RPS6KA3: variants seen among roughly 807,000 people sequenced by gnomAD.
RPS6KA3 encodes ribosomal protein S6 kinase alpha-3.
A neutral mutation model predicts 67.2 loss-of-function variants in RPS6KA3; 4 were observed. That is an observed-to-expected ratio of 0.06 (90% CI 0.03 to 0.14). RPS6KA3 has a LOEUF of 0.14. Among genes scored for constraint, RPS6KA3 ranks in the 10% least tolerant of loss-of-function variants. The pLI is 1.00. For synonymous variants in RPS6KA3, 182 were observed against 183.7 expected (o/e 0.99, Z 0.07); for missense variants, 204 against 559.0 (o/e 0.36, Z 6.40).
At chrX:20,165,153 AAG>A in intron 17 of RPS6KA3, 93 bp from the exon 18 acceptor site, 1 of 673,484 alleles carries the variant, frequency 1.5e-6, no homozygotes, top group African/African-American at 2.1e-5. Flanking sequence ...TGCACTTAAC[AAG>A]ATGATGAGTG....
intron 2 of RPS6KA3, among the ~76,000 whole-genome samples, chrX:20,214,137 C>CT (rs1468967526): frequency 3.6e-5 from 4 of 111,124 alleles, no homozygotes; most frequent in Non-Finnish European, 7.6e-5. Flanking sequence ...CAATATTTTC[C>CT]TTTCTTCTGA....
intron 2 of RPS6KA3, chrX:20,219,034 C>A: frequency 2.6e-6 from 1 of 390,339 alleles, no homozygotes; most frequent in Non-Finnish European, 4.6e-6. Flanking sequence ...AGAAACCTGC[C>A]GGCAGGGGCA....
intron 17 of RPS6KA3, among the ~76,000 whole-genome samples, chrX:20,166,711 TTC>T (rs1183285772): frequency 1.0e-5 from 1 of 100,488 alleles, no homozygotes; most frequent in Admixed American, 1.1e-4. Flanking sequence ...CAGACTTCCC[TTC>T]TTTTTTTTTT....
chrX:20,220,763 A>G (rs991481683), intron 2 of RPS6KA3, among the ~76,000 whole-genome samples: 2 of 111,707 alleles, frequency 1.8e-5, no homozygotes, highest in East Asian at 2.8e-4. Context: ...AAAATCTGAA[A>G]TAAGTCTCCA....
At chrX:20,239,954 C>T (rs1398869700) in intron 1 of RPS6KA3, among the ~76,000 whole-genome samples, 1 of 111,372 alleles carries the variant, frequency 9.0e-6, no homozygotes, top group Non-Finnish European at 1.9e-5. Flanking sequence ...CATGATACAA[C>T]AATGTACTTT....
chrX:20,230,683 TA>T (rs1159189925), intron 2 of RPS6KA3, among the ~76,000 whole-genome samples: 1 of 111,467 alleles, frequency 9.0e-6, no homozygotes. Context: ...AAAGGAACCA[TA>T]AAACTATGGA....
chrX:20,210,101 A>G (rs1010381843), intron 2 of RPS6KA3, among the ~76,000 whole-genome samples: 1 of 112,348 alleles, frequency 8.9e-6, no homozygotes, highest in African/African-American at 3.2e-5. Context: ...AGTGAGAAGT[A>G]TCTGGGTTAA....
chrX:20,155,216 C>G lies in RPS6KA3; in HGVS notation c.*182G>C. On this transcript the variant is annotated 3_prime_UTR_variant, in exon 22 of 22. Transcript: ENST00000379565. ...CTTCCGAAGCTCCAGGAAAATCTAA[C>G]TTGCTAACAATCATTTAAAGCGAGA... 1 of 522,547 alleles carries G rather than the reference C, an allele frequency of 1.9e-6. No individual in the cohort carries two copies. Among genetic ancestry groups the G allele is most frequent in the Non-Finnish European group, 3.3e-6 (1 of 301,174 alleles). 43.1% of individuals were successfully genotyped at this position (522,547 alleles called of 1,213,427 possible). A position where few individuals can be genotyped will look rare whatever the true frequency, so the allele number is the denominator to read the frequency against.
Position 20,155,379 on chromosome X carries a change from A to C in RPS6KA3, c.*19T>G. ...CTATCAGCTTACACCATGGTACCAAATATCTCACTGAGGTCACTTCACAGG... is the reference window on the plus strand; with the variant it reads ...CTATCAGCTTACACCATGGTACCAACTATCTCACTGAGGTCACTTCACAGG... On this transcript the variant is annotated 3_prime_UTR_variant, in exon 22 of 22. Transcript: ENST00000379565. 1.7e-6 allele frequency: 2 copies of C among 1,210,187 alleles called. No individual in the cohort carries two copies. Among genetic ancestry groups the C allele is most frequent in the Non-Finnish European group, 2.2e-6 (2 of 894,620 alleles).
At chrX:20,173,739 A>T (rs1419012234) in intron 14 of RPS6KA3, among the ~76,000 whole-genome samples, 1 of 112,638 alleles carries the variant, frequency 8.9e-6, no homozygotes, top group East Asian at 2.8e-4. Flanking sequence ...CTATTTCAAC[A>T]TGAGCTCTGC....
chrX:20,245,265 T>C (rs1258528222), intron 1 of RPS6KA3, among the ~76,000 whole-genome samples: 3 of 111,894 alleles, frequency 2.7e-5, no homozygotes, highest in African/African-American at 9.7e-5. Context: ...TAGATTAAGG[T>C]TATTTAAAAT....
At position 20,189,366 on chromosome X, in the gene RPS6KA3, C is replaced by G. The variant is rs1206895071; in HGVS notation, c.594-832G>C. Among the ~76,000 whole-genome samples, 35 of 112,152 alleles carry G rather than the reference C, an allele frequency of 3.1e-4. 1 individual carries two copies. On this transcript the variant is annotated intron_variant, in intron 7 of 21. Transcript: ENST00000379565. ...GTTTGCAAAGGGCCTACAGGGCATT[C>G]CAAATAGTTTGGGCTTCTTGTCAAG...
intron 4 of RPS6KA3, among the ~76,000 whole-genome samples, 153 bp from the exon 5 acceptor site, chrX:20,195,298 A>T (rs1199323700): frequency 8.9e-6 from 1 of 112,264 alleles, no homozygotes; most frequent in Admixed American, 9.5e-5. Flanking sequence ...ATCAATAATG[A>T]TGTCTTTTAC....
chrX:20,164,160 A>C (rs1000468713), intron 18 of RPS6KA3, among the ~76,000 whole-genome samples: 16 of 110,535 alleles, frequency 1.4e-4, no homozygotes, highest in African/African-American at 5.3e-4. Flanking sequence ...CTAAACAAAC[A>C]AACAAAAACC....
intron 20 of RPS6KA3, among the ~76,000 whole-genome samples, chrX:20,159,912 G>C (rs757909622): frequency 9.0e-6 from 1 of 111,145 alleles, no homozygotes; most frequent in African/African-American, 3.3e-5. Context: ...TCCTCAGCAC[G>C]AGCCACAAAG....
chrX:20,218,728 A>G, intron 2 of RPS6KA3: 1 of 712,437 alleles, frequency 1.4e-6, no homozygotes, highest in Middle Eastern at 3.9e-4. Flanking sequence ...AAACGAAATA[A>G]CTAATTACTG....
chrX:20,176,123 A>G, intron 13 of RPS6KA3, 127 bp downstream of exon 13: 1 of 505,895 alleles, frequency 2.0e-6, no homozygotes, highest in Non-Finnish European at 3.6e-6. Context: ...TGCTCGCCTC[A>G]GCCTCCCAAA....
At chrX:20,231,645 C>T (rs1018815511) in intron 2 of RPS6KA3, among the ~76,000 whole-genome samples, 2 of 111,772 alleles carry the variant, frequency 1.8e-5, no homozygotes, top group African/African-American at 6.5e-5. Flanking sequence ...AAGTAATCCC[C>T]GGTAACGGTG....
At chrX:20,199,958 C>G (rs1430116229) in intron 4 of RPS6KA3, among the ~76,000 whole-genome samples, 1 of 112,107 alleles carries the variant, frequency 8.9e-6, no homozygotes, top group Non-Finnish European at 1.9e-5. Flanking sequence ...AAAGCCATTT[C>G]CAGACATGGA....
Sources: gnomAD v4.1 joint callset for allele counts (sites outside exome capture counted in the v4.1 genomes callset) on GRCh38, gnomAD v4.1.1 for gene constraint, MANE v1.5 for transcripts, NCBI Gene and HGNC (gene_info 2026-07-23, HGNC 2026-07-21) for gene names.